ESR1: variants seen among roughly 807,000 people sequenced by gnomAD.
ESR1 encodes estrogen receptor.
A neutral mutation model predicts 52.7 loss-of-function variants in ESR1; 12 were observed. That is an observed-to-expected ratio of 0.23 (90% CI 0.15 to 0.37). The LOEUF (loss-of-function observed/expected upper bound fraction) is 0.37. Ranked by LOEUF, ESR1 falls within the 10% of genes least tolerant of loss-of-function variation. The pLI is 1.00. For missense variants in ESR1, 584 were observed against 779.7 expected (o/e 0.75, Z 2.99); for synonymous variants, 305 against 316.8 (o/e 0.96, Z 0.39).
chr6:151,669,158 G>GAGAGAA (rs1157528149), intron 1 of ESR1, among the ~76,000 whole-genome samples: 3 of 122,642 alleles, frequency 2.4e-5, no homozygotes, highest in African/African-American at 8.7e-5. Context: ...GAGAGAGAGA[G>GAGAGAA]AGAGAGAGAG....
At chr6:151,840,580 T>C (rs1784132187) in intron 1 of ESR1, among the ~76,000 whole-genome samples, 1 of 152,256 alleles carries the variant, frequency 6.6e-6, no homozygotes, top group African/African-American at 2.4e-5. Flanking sequence ...TAATAATGAC[T>C]GAGAAGGCAG....
chr6:151,770,628 C>T (rs1266471111), intron 2 of ESR1, among the ~76,000 whole-genome samples: 1 of 151,972 alleles, frequency 6.6e-6, no homozygotes, highest in Non-Finnish European at 1.5e-5. Flanking sequence ...GGGATTTTGT[C>T]TATACATATA....
chr6:152,000,961 C>T lies in ESR1; in HGVS notation c.1097-10695C>T, dbSNP rs147007981. On this transcript the variant is annotated intron_variant, in intron 4 of 7. Coordinates refer to ENST00000206249, the MANE Select transcript of ESR1 (RefSeq NM_000125.4). ...TTATGGCAACCCGAGGAAACTAATA[C>T]GGTTACTCTTTATCTTTATTAGGAA... Among the ~76,000 whole-genome samples the T allele has an allele frequency of 1.8e-3, 270 of 152,084 alleles. 1 individual carries two copies. Among genetic ancestry groups the T allele is most frequent in the Non-Finnish European group, 1.9e-3 (129 of 67,952 alleles).
At chr6:152,074,111 C>T (rs1045295053) in intron 6 of ESR1, among the ~76,000 whole-genome samples, 7 of 152,094 alleles carry the variant, frequency 4.6e-5, no homozygotes, top group African/African-American at 1.4e-4. Flanking sequence ...GAATCTACAT[C>T]GACACGTCAT....
At chr6:151,846,938 C>A (rs1259555427) in intron 2 of ESR1, among the ~76,000 whole-genome samples, 2 of 152,202 alleles carry the variant, frequency 1.3e-5, no homozygotes, top group East Asian at 1.9e-4. Context: ...GGAAAAAGGA[C>A]TCCACTGAGC....
intron 2 of ESR1, among the ~76,000 whole-genome samples, chr6:151,795,361 C>T (rs1321602558): frequency 2.0e-5 from 3 of 151,816 alleles, no homozygotes; most frequent in Non-Finnish European, 4.4e-5. Flanking sequence ...GTGGTGCATA[C>T]ATGTAATCCC....
chr6:151,953,707 C>T (rs1019571371), intron 4 of ESR1, among the ~76,000 whole-genome samples: 20 of 150,170 alleles, frequency 1.3e-4, no homozygotes, highest in Non-Finnish European at 1.8e-4. Context: ...AGTGAGACTC[C>T]GTCTAAAAAA....
chr6:151,996,019 A>G lies in ESR1; in HGVS notation c.1097-15637A>G, dbSNP rs2041448824. ...CAAGGCCCTGCTGGGTTCAGGCCAC[A>G]CTCTTAAGTACTCACAGCTGCATCA... On this transcript the variant is annotated intron_variant, in intron 4 of 7. Transcript: ENST00000206249. Among the ~76,000 whole-genome samples, 4 of 152,138 alleles carry G rather than the reference A, an allele frequency of 2.6e-5. No homozygotes were observed. In the South Asian group the frequency reaches 8.3e-4, roughly 32 times the overall value.
At chr6:151,803,785 G>A (rs1161480834), upstream of ESR1, among the ~76,000 whole-genome samples, 1 of 152,152 alleles carries the variant, frequency 6.6e-6, no homozygotes, top group African/African-American at 2.4e-5. Flanking sequence ...TTGATTAGGT[G>A]TGGAAGGCAA....
chr6:151,762,240 T>C (rs1246562095), intron 2 of ESR1, among the ~76,000 whole-genome samples: 1 of 152,254 alleles, frequency 6.6e-6, no homozygotes, highest in Non-Finnish European at 1.5e-5. Flanking sequence ...CTTTCATGCA[T>C]GGGCTTATCC....
chr6:151,745,919 C>T (rs1783445565), intron 2 of ESR1, among the ~76,000 whole-genome samples: 1 of 152,140 alleles, frequency 6.6e-6, no homozygotes, highest in African/African-American at 2.4e-5. Context: ...GGCCTGGCAA[C>T]CACCATTATT....
chr6:152,117,597 G>A (rs748121461), intron 6 of ESR1, among the ~76,000 whole-genome samples: 12 of 152,136 alleles, frequency 7.9e-5, no homozygotes, highest in Admixed American at 3.9e-4. Flanking sequence ...AGTCCCAACC[G>A]GCTTCCTCAG....
intron 2 of ESR1, among the ~76,000 whole-genome samples, chr6:151,873,179 T>A (rs1791258484): frequency 6.6e-6 from 1 of 152,204 alleles, no homozygotes; most frequent in Admixed American, 6.5e-5. Context: ...ATGGAGGTTG[T>A]TAGAATGCAT....
intron 3 of ESR1, among the ~76,000 whole-genome samples, chr6:151,903,311 G>A (rs1796961082): frequency 1.3e-5 from 2 of 152,152 alleles, no homozygotes; most frequent in South Asian, 4.1e-4. Flanking sequence ...CAGCTCCTGT[G>A]TTAATCCAGG....
At chr6:151,876,194 C>G (rs912618866) in intron 2 of ESR1, among the ~76,000 whole-genome samples, 7 of 152,124 alleles carry the variant, frequency 4.6e-5, no homozygotes, top group Admixed American at 4.6e-4. Flanking sequence ...GCCCATGTTT[C>G]AGGCTTCACG....
rs1391215283 is a variant in ESR1, at chr6:151,836,310, C to CA, written c.453-6286dup. Reference sequence around the variant, plus strand: ...AAGAGATTTAATGGACTCACAGTGCCACGTGGTTGGGGAGGCCTCACAATC... The same window carrying CA: ...AAGAGATTTAATGGACTCACAGTGCCAACGTGGTTGGGGAGGCCTCACAATC... On this transcript the variant is annotated intron_variant, in intron 1 of 7. Coordinates refer to ENST00000206249, the MANE Select transcript of ESR1 (RefSeq NM_000125.4). 3.3e-5 allele frequency among the ~76,000 whole-genome samples: 5 copies of CA among 152,232 alleles called. No individual in the cohort carries two copies. In the East Asian group the frequency reaches 5.8e-4, roughly 18 times the overall value.
At chr6:151,856,249 G>T (rs1017235334) in intron 2 of ESR1, among the ~76,000 whole-genome samples, 8 of 152,162 alleles carry the variant, frequency 5.3e-5, no homozygotes, top group Admixed American at 1.3e-4. Context: ...TATTATGGAG[G>T]TAAGTGTATT....
chr6:152,002,921 A>AT (rs1259580646), intron 4 of ESR1, among the ~76,000 whole-genome samples: 1 of 152,070 alleles, frequency 6.6e-6, no homozygotes, highest in Non-Finnish European at 1.5e-5. Context: ...TCTACATAGC[A>AT]TAATTGTAGC....
intron 1 of ESR1, among the ~76,000 whole-genome samples, chr6:151,835,220 T>C (rs950970475): frequency 2.6e-5 from 4 of 152,072 alleles, no homozygotes; most frequent in South Asian, 2.1e-4. Context: ...CTGGGAAAGA[T>C]ACTTATTTTA....
Sources: allele counts gnomAD v4.1 joint callset (sites outside exome capture counted in the v4.1 genomes callset), GRCh38; gene constraint gnomAD v4.1.1; transcripts MANE v1.5; gene names NCBI Gene and HGNC (gene_info 2026-07-23, HGNC 2026-07-21).